FBN1: variants seen among roughly 807,000 people sequenced by gnomAD.
FBN1 encodes the protein fibrillin-1.
FBN1 carries 29 observed loss-of-function variants against 365.1 expected under a neutral mutation model. The ratio of observed to expected loss-of-function variants is 0.08; its 90% CI spans 0.06 to 0.11. FBN1 has a LOEUF of 0.11. Among genes scored for constraint, FBN1 ranks in the 10% least tolerant of loss-of-function variants. The probability of loss-of-function intolerance (pLI) is 1.00; values close to 1 mark genes in which losing one functional copy is unlikely to be tolerated. For missense variants in FBN1, 2,476 were observed against 3,703.2 expected, an observed-to-expected ratio of 0.67 and a Z score of 8.60; for synonymous variants, 1,210 against 1,270.5, an observed-to-expected ratio of 0.95 and a Z score of 1.01.
chr15:48,515,653 G>C, intron 11 of FBN1, 126 bp from the exon 12 acceptor site: 1 of 1,259,008 alleles, frequency 7.9e-7, no homozygotes, highest in East Asian at 2.4e-5. Flanking sequence ...GGCAAAGGTC[G>C]TCTGGTGACA....
At position 48,561,285 on chromosome 15, in the gene FBN1, G is replaced by A. The variant is rs540945465; in HGVS notation, c.539-23477C>T. Among the ~76,000 whole-genome samples the A allele has an allele frequency of 3.9e-5, 6 of 152,278 alleles. No individual in the cohort carries two copies. The South Asian group carries it at 1.2e-3, about 32-fold the overall frequency. ...CTGCTACAGGGACACCTAGATTCTAGAGTATGTGTTTTTGTAGCCTGGGCA... is the reference window on the plus strand; with the variant it reads ...CTGCTACAGGGACACCTAGATTCTAAAGTATGTGTTTTTGTAGCCTGGGCA... On this transcript the variant is annotated intron_variant, in intron 6 of 65. Coordinates refer to ENST00000316623, the MANE Select transcript of FBN1 (RefSeq NM_000138.5).
chr15:48,479,377 C>T (rs1049064782), intron 32 of FBN1, among the ~76,000 whole-genome samples: 4 of 152,164 alleles, frequency 2.6e-5, no homozygotes, highest in Non-Finnish European at 5.9e-5. Flanking sequence ...CTGCAGAGCA[C>T]CCTGGTGATT....
intron 8 of FBN1, among the ~76,000 whole-genome samples, chr15:48,531,052 C>T (rs2043968193): frequency 6.6e-6 from 1 of 152,178 alleles, no homozygotes; most frequent in Non-Finnish European, 1.5e-5. Flanking sequence ...GTTCTTTCAG[C>T]ATGCGTACTC....
chr15:48,421,879 G>A, intron 61 of FBN1, 73 bp downstream of exon 61: 1 of 1,315,098 alleles, frequency 7.6e-7, no homozygotes, highest in Non-Finnish European at 1.1e-6. Flanking sequence ...TATCCCAACA[G>A]CAGAGGAAAT....
At position 48,468,943 on chromosome 15, in the gene FBN1, C is replaced by T. The variant is rs377722608; in HGVS notation, c.4460-409G>A. Among the ~76,000 whole-genome samples the T allele has an allele frequency of 2.9e-4, 44 of 151,612 alleles. 1 individual carries two copies. In the East Asian group the frequency reaches 5.8e-3, roughly 20 times the overall value. On this transcript the variant is annotated intron_variant, in intron 36 of 65. Transcript: ENST00000316623. ...ATTAGCCAGGCGTGGTGGTGGGTGC[C>T]TGTAGTCCCAGCTACTCGGGAGGCT...
In FBN1 at chr15:48,485,926, T is replaced by C. The variant is rs962227909; in HGVS notation, c.3590-430A>G. 2.0e-5 allele frequency among the ~76,000 whole-genome samples: 3 copies of C among 152,100 alleles called. No individual in the cohort carries two copies. The East Asian group carries it at 5.8e-4, about 29-fold the overall frequency. On this transcript the variant is annotated intron_variant, in intron 29 of 65. Coordinates refer to ENST00000316623, the MANE Select transcript of FBN1 (RefSeq NM_000138.5). ...CATTTTTAACATTTCCAGGCATACG[T>C]CAAATAAAGGGGAAAAAGCATTCTA...
At chr15:48,523,659 C>G (rs1464340162) in intron 9 of FBN1, among the ~76,000 whole-genome samples, 2 of 147,172 alleles carry the variant, frequency 1.4e-5, no homozygotes, top group African/African-American at 5.2e-5. Flanking sequence ...CAGGACACAG[C>G]AGCCTGAAGT....
intron 43 of FBN1, 24 bp downstream of exon 43, chr15:48,460,222 T>A (rs1160957455): frequency 3.1e-6 from 5 of 1,598,502 alleles, no homozygotes; most frequent in Non-Finnish European, 4.3e-6. Flanking sequence ...ACCAGAAAGT[T>A]CTGACAATGC....
At chr15:48,521,563 T>A (rs1244943952) in intron 9 of FBN1, among the ~76,000 whole-genome samples, 2 of 152,270 alleles carry the variant, frequency 1.3e-5, no homozygotes, top group Non-Finnish European at 2.9e-5. Context: ...GACGCATTTC[T>A]ATATCACTTT....
At chr15:48,572,096 T>C (rs2044309986) in intron 6 of FBN1, among the ~76,000 whole-genome samples, 1 of 152,198 alleles carries the variant, frequency 6.6e-6, no homozygotes, top group Non-Finnish European at 1.5e-5. Flanking sequence ...TTAATAGCAG[T>C]CACTCAGGGA....
intron 43 of FBN1, among the ~76,000 whole-genome samples, chr15:48,457,057 C>T (rs1000473377): frequency 1.3e-5 from 2 of 152,026 alleles, no homozygotes; most frequent in African/African-American, 4.8e-5. Flanking sequence ...TGTGGATGCA[C>T]CAGATGAGTA....
chr15:48,594,176 G>T (rs188898417), intron 6 of FBN1, among the ~76,000 whole-genome samples: 211 of 152,288 alleles, frequency 1.4e-3, no homozygotes, highest in African/African-American at 4.9e-3. Flanking sequence ...TCTACAAATG[G>T]AAATAGAATT....
Position 48,449,064 on chromosome 15 carries a change from T to A in FBN1, c.5546-171A>T, listed in dbSNP as rs75340436. ...AAAACTTACTCTCATTTACCAGGCA[T>A]AGTCAGAGTATGTTAACAATACTTG... is the stretch of plus-strand genomic sequence containing the variant. On this transcript the variant is annotated intron_variant, in intron 45 of 65. Coordinates refer to ENST00000316623, the MANE Select transcript of FBN1 (RefSeq NM_000138.5). Among the ~76,000 whole-genome samples the A allele has an allele frequency of 0.022, 3,322 of 152,256 alleles. 69 individuals carry two copies. Among genetic ancestry groups the A allele is most frequent in the East Asian group, 0.083 (432 of 5,186 alleles).
At chr15:48,621,419 C>A (rs2140750372) in intron 2 of FBN1, among the ~76,000 whole-genome samples, 1 of 152,158 alleles carries the variant, frequency 6.6e-6, no homozygotes, top group East Asian at 1.9e-4. Flanking sequence ...GTCTTTTTCC[C>A]AAAAACCCAT....
chr15:48,576,404 C>A (rs1296778924), intron 6 of FBN1, among the ~76,000 whole-genome samples: 1 of 152,182 alleles, frequency 6.6e-6, no homozygotes, highest in Non-Finnish European at 1.5e-5. Context: ...CTACTCTGAT[C>A]TCCCTTTGTG....
intron 46 of FBN1, among the ~76,000 whole-genome samples, chr15:48,447,511 T>G (rs917251733): frequency 6.6e-6 from 1 of 152,200 alleles, no homozygotes; most frequent in Non-Finnish European, 1.5e-5. Flanking sequence ...TGACATCTTA[T>G]ATGTCTTTGC....
chr15:48,494,377 G>T (rs549002602), intron 22 of FBN1, 123 bp from the exon 23 acceptor site: 15 of 761,292 alleles, frequency 2.0e-5, no homozygotes, highest in Non-Finnish European at 3.0e-5. Context: ...AGATTGTGTT[G>T]CTATAAGTAT....
In FBN1 at chr15:48,488,375, G is replaced by A. The variant is rs1358163754; in HGVS notation, c.3201C>T (p.Asn1067=). ...SGFALDSEER[N]CTDIDECRIS... ...TAAGGCTCATTAACTGACCTGTGCA[G>A]TTCCTTTCTTCAGAATCAAGAGCAA... Residue 1067 remains asparagine, a synonymous_variant, in exon 26 of 66, where the codon AAC becomes AAT. Transcript: ENST00000316623. The A allele has an allele frequency of 6.2e-7, 1 of 1,614,242 alleles. No homozygotes were observed.
chr15:48,525,880 T>C (rs1286667005), intron 9 of FBN1, among the ~76,000 whole-genome samples: 2 of 152,162 alleles, frequency 1.3e-5, no homozygotes, highest in African/African-American at 4.8e-5. Context: ...GCAACATTAA[T>C]TAATAGACTG....
Sources: gnomAD v4.1 joint callset for allele counts (sites outside exome capture counted in the v4.1 genomes callset) on GRCh38, gnomAD v4.1.1 for gene constraint, MANE v1.5 for transcripts, NCBI Gene and HGNC (gene_info 2026-07-23, HGNC 2026-07-21) for gene names.